The following NIBAN2 variants were observed in gnomAD, a reference collection of about 807,000 sequenced individuals.
NIBAN2 encodes the protein niban apoptosis regulator 2.
A neutral mutation model predicts 81.8 loss-of-function variants in NIBAN2; 36 were observed. The ratio of observed to expected loss-of-function variants is 0.44; its 90% CI spans 0.34 to 0.58. The LOEUF (loss-of-function observed/expected upper bound fraction) is 0.58, where lower values mean the gene tolerates loss of function less well. Among genes scored for constraint, NIBAN2 ranks in the 20% least tolerant of loss-of-function variants. NIBAN2 has a pLI of 0.02. For synonymous variants in NIBAN2, 445 were observed against 441.6 expected, an observed-to-expected ratio of 1.01 and a Z score of -0.10; for missense variants, 897 against 1,014.1, an observed-to-expected ratio of 0.88 and a Z score of 1.57.
At chr9:127,522,988 T>C (rs1295769795) in intron 5 of NIBAN2, among the ~76,000 whole-genome samples, 1 of 151,312 alleles carries the variant, frequency 6.6e-6, no homozygotes, top group Non-Finnish European at 1.5e-5. Context: ...GCAGGGAATG[T>C]TTCTTGCTCC....
Position 127,559,713 on chromosome 9 carries a change from TC to T in NIBAN2, c.55+9106del, listed in dbSNP as rs1837736982. ...CTGCACTTTGCAAACCACAGTTCAT[TC>T]TTCCTCCCCTCCTGGATGCCCAGTT... On this transcript the variant is annotated intron_variant, in intron 1 of 13. Transcript: ENST00000373312. The surrounding 1 kb of genome is among the most constrained non-coding windows in gnomAD (Gnocchi z 4.0). Among the ~76,000 whole-genome samples the T allele has an allele frequency of 6.6e-6, 1 of 152,170 alleles. No individual in the cohort carries two copies.
At chr9:127,558,686 C>T (rs1390850064) in intron 1 of NIBAN2, among the ~76,000 whole-genome samples, 1 of 152,132 alleles carries the variant, frequency 6.6e-6, no homozygotes, top group African/African-American at 2.4e-5. Context: ...CTCTTTTCTA[C>T]CCTTCGCCTC....
chr9:127,535,683 G>A (rs958683394), intron 1 of NIBAN2, among the ~76,000 whole-genome samples: 2 of 152,096 alleles, frequency 1.3e-5, no homozygotes, highest in African/African-American at 4.8e-5. Flanking sequence ...CCCCAGGTGG[G>A]GCTGGAGTCG....
rs555821581 is a variant in NIBAN2, at chr9:127,565,956, A to T, written c.55+2864T>A. On this transcript the variant is annotated intron_variant, in intron 1 of 13. Coordinates refer to ENST00000373312, the MANE Select transcript of NIBAN2 (RefSeq NM_022833.4). ...CTCTCTCTCTCTCTCTCACACACACACACACACACACACACACACACACAA... is the reference window on the plus strand; with the variant it reads ...CTCTCTCTCTCTCTCTCACACACACTCACACACACACACACACACACACAA... Among the ~76,000 whole-genome samples, 377 of 149,892 alleles carry T rather than the reference A, an allele frequency of 2.5e-3. 2 individuals carry two copies. The highest frequency in any genetic ancestry group is 8.6e-3 in the African/African-American group (349 of 40,380).
At chr9:127,552,321 G>A (rs1005262631) in intron 1 of NIBAN2, among the ~76,000 whole-genome samples, 1 of 152,064 alleles carries the variant, frequency 6.6e-6, no homozygotes, top group Non-Finnish European at 1.5e-5. Flanking sequence ...GCCTGTAATC[G>A]CAGCACTTTG....
chr9:127,572,122 G>C (rs1837956897), upstream of NIBAN2, among the ~76,000 whole-genome samples: 1 of 152,060 alleles, frequency 6.6e-6, no homozygotes, highest in Admixed American at 6.6e-5. Context: ...TGCAGCCTTG[G>C]CCTCCTGGGC....
intron 1 of NIBAN2, among the ~76,000 whole-genome samples, chr9:127,566,875 C>G (rs1260790839): frequency 1.3e-5 from 2 of 151,938 alleles, no homozygotes; most frequent in African/African-American, 2.4e-5. Context: ...GGGAGGCTTC[C>G]CCGCTGCCCC....
chr9:127,556,192 C>T (rs1403472165), intron 1 of NIBAN2, among the ~76,000 whole-genome samples: 4 of 152,220 alleles, frequency 2.6e-5, no homozygotes, highest in Middle Eastern at 3.2e-3. Flanking sequence ...CAGTGAGTCA[C>T]GCTTCGAGGA....
intron 1 of NIBAN2, among the ~76,000 whole-genome samples, chr9:127,541,599 G>C (rs1286450389): frequency 6.6e-6 from 1 of 152,124 alleles, no homozygotes; most frequent in Admixed American, 6.5e-5. Flanking sequence ...TGGGAAGTTG[G>C]GGGTGGGAGG....
intron 1 of NIBAN2, among the ~76,000 whole-genome samples, chr9:127,541,842 G>A (rs1388166068): frequency 6.6e-6 from 1 of 152,110 alleles, no homozygotes; most frequent in Non-Finnish European, 1.5e-5. Context: ...AGACCCCTGG[G>A]ACCCCCCTTC....
Position 127,545,225 on chromosome 9 carries a change from C to A in NIBAN2, c.56-13447G>T, listed in dbSNP as rs1837449541. Among the ~76,000 whole-genome samples, 1 of 152,134 alleles carries A rather than the reference C, an allele frequency of 6.6e-6. No homozygotes were observed. Among genetic ancestry groups the A allele is most frequent in the African/African-American group, 2.4e-5 (1 of 41,416 alleles). On this transcript the variant is annotated intron_variant, in intron 1 of 13. Coordinates refer to ENST00000373312, the MANE Select transcript of NIBAN2 (RefSeq NM_022833.4). This position sits in a 1 kb window ranked among gnomAD's most constrained non-coding sequence, Gnocchi z 4.7. ...TTCTCCTCCCCAGGCTCAAGTGCCA[C>A]CTCCTCGGAACCCTCCCTCCAGACA...
At chr9:127,535,131 G>A (rs937552348) in intron 1 of NIBAN2, among the ~76,000 whole-genome samples, 8 of 152,326 alleles carry the variant, frequency 5.3e-5, no homozygotes, top group Middle Eastern at 6.8e-3. Context: ...TCCTTTGGCC[G>A]TGGCTCCAGG....
chr9:127,569,238 C>A, upstream of NIBAN2: 1 of 344,496 alleles, frequency 2.9e-6, no homozygotes, highest in Non-Finnish European at 4.0e-6. Context: ...CCCCTGCGCC[C>A]CACCCAGCCC....
At chr9:127,510,567 G>C (rs1025097049) in intron 8 of NIBAN2, among the ~76,000 whole-genome samples, 5 of 152,078 alleles carry the variant, frequency 3.3e-5, no homozygotes, top group African/African-American at 9.7e-5. Context: ...CTCCTGAGTA[G>C]CTGGGACTAC....
Position 127,506,563 on chromosome 9 carries a change from TTCCAGCCCCCCAGCAGTG to T in NIBAN2, c.*264_*281del. 3.0e-6 allele frequency: 1 copy of T among 336,902 alleles called. No individual in the cohort carries two copies. Among genetic ancestry groups the T allele is most frequent in the Non-Finnish European group, 5.4e-6 (1 of 186,012 alleles). The allele number at this position is 336,902 out of a possible 1,614,324, so 20.9% of individuals were successfully genotyped here. ...ACAGAAGGACAGGAAGGGAGGGGCT[TTCCAGCCCCCCAGCAGTG>T]TCCAGCCCTTGGCACAAGCAGGAAA... On this transcript the variant is annotated 3_prime_UTR_variant, in exon 14 of 14. Coordinates refer to ENST00000373312, the MANE Select transcript of NIBAN2 (RefSeq NM_022833.4).
chr9:127,560,666 T>G (rs1162890274), intron 1 of NIBAN2, among the ~76,000 whole-genome samples: 1 of 152,124 alleles, frequency 6.6e-6, no homozygotes, highest in Non-Finnish European at 1.5e-5. Context: ...GCAGACACCA[T>G]GTGATTGTGT....
chr9:127,559,664 G>A lies in NIBAN2; in HGVS notation c.55+9156C>T, dbSNP rs1837736032. On this transcript the variant is annotated intron_variant, in intron 1 of 13. Coordinates refer to ENST00000373312, the MANE Select transcript of NIBAN2 (RefSeq NM_022833.4). This position sits in a 1 kb window ranked among gnomAD's most constrained non-coding sequence, Gnocchi z 4.0. Reference sequence around the variant, plus strand: ...AGCAGCTGCAGTTGGCTTGGCCACAGATGGGCAGGTGGGAAAGTGGGGTCT... The same window carrying A: ...AGCAGCTGCAGTTGGCTTGGCCACAAATGGGCAGGTGGGAAAGTGGGGTCT... Among the ~76,000 whole-genome samples the A allele has an allele frequency of 6.6e-6, 1 of 152,218 alleles. No individual in the cohort carries two copies. The highest frequency in any genetic ancestry group is 2.4e-5 in the African/African-American group (1 of 41,452).
At chr9:127,553,870 C>T (rs1837620289) in intron 1 of NIBAN2, among the ~76,000 whole-genome samples, 1 of 152,162 alleles carries the variant, frequency 6.6e-6, no homozygotes, top group Non-Finnish European at 1.5e-5. Flanking sequence ...CTTGTGCCAC[C>T]ATGCCTGGCT....
At chr9:127,542,746 G>A (rs984333125) in intron 1 of NIBAN2, among the ~76,000 whole-genome samples, 8 of 152,140 alleles carry the variant, frequency 5.3e-5, no homozygotes, top group African/African-American at 7.2e-5. Context: ...GTTTTGAGAC[G>A]GAGTCTGGCT....
Sources: allele counts gnomAD v4.1 joint callset (sites outside exome capture counted in the v4.1 genomes callset), GRCh38; gene constraint gnomAD v4.1.1; non-coding constraint Gnocchi (gnomAD v3.1); transcripts MANE v1.5; gene names NCBI Gene and HGNC (gene_info 2026-07-23, HGNC 2026-07-21).